Variants in C7 observed in about 807,000 individuals in gnomAD.
C7 encodes the protein complement C7, also known as complement component C7.
Under a neutral mutation model 104.8 loss-of-function variants are expected in C7, and 83 were observed. The ratio of observed to expected loss-of-function variants is 0.79; its 90% CI spans 0.66 to 0.95. The LOEUF is 0.95. Among genes scored for constraint, C7 ranks in the 40% least tolerant of loss-of-function variants. C7 has a pLI of 0.00. For missense variants in C7, 1,070 were observed against 1,011.2 expected (o/e 1.06, Z -0.79); for synonymous variants, 415 against 360.6 (o/e 1.15, Z -1.71).
In C7 at chr5:40,959,870, A is replaced by T. The variant is rs184729601; in HGVS notation, c.1661+250A>T. Among the ~76,000 whole-genome samples the T allele has an allele frequency of 3.9e-5, 6 of 152,302 alleles. No individual in the cohort carries two copies. The East Asian group carries it at 1.2e-3, about 29-fold the overall frequency. On this transcript the variant is annotated intron_variant, in intron 12 of 17. Transcript: ENST00000313164. ...CTGCTGAGTGGATACGATCATTCTC[A>T]TTCGTTTTGGCCACCTACTTGCTGT...
rs1195821176 is a variant in C7 at position 40,964,748 on chromosome 5, G to T, written c.1757G>T (p.Gly586Val). The change falls in exon 14 of 18, where the codon GGT becomes GTT. Residue 586 changes from glycine (G) to valine (V), a missense_variant. Physicochemically the swap from Gly to Val is moderately radical, Grantham distance 109 (BLOSUM62 -3). Coordinates refer to ENST00000313164, the MANE Select transcript of C7 (RefSeq NM_000587.4). ...TCTTTTACTTTTGTTTAGGATGAAG[G>T]TACAATGTTTCCTGTGGGGAAAAAT... ...ALKDGFVQDEGTMFPVGKNVV... is the reference protein window; with the variant it reads ...ALKDGFVQDEVTMFPVGKNVV... 6.2e-7 allele frequency: 1 copy of T among 1,612,754 alleles called. No homozygotes were observed. The highest frequency in any genetic ancestry group is 1.3e-5 in the African/African-American group (1 of 74,892).
chr5:40,931,319 C>T (rs913835903), intron 3 of C7, among the ~76,000 whole-genome samples, 180 bp downstream of exon 3: 1 of 152,062 alleles, frequency 6.6e-6, no homozygotes, highest in African/African-American at 2.4e-5. Context: ...AATAAAGTAA[C>T]TTGTAATATT....
chr5:40,970,764 C>G lies in C7; in HGVS notation c.1883-1639C>G, dbSNP rs564131865. Among the ~76,000 whole-genome samples the G allele has an allele frequency of 1.1e-3, 167 of 152,174 alleles. 2 individuals carry two copies. The highest frequency in any genetic ancestry group is 3.9e-3 in the African/African-American group (161 of 41,502). On this transcript the variant is annotated intron_variant, in intron 14 of 17. Transcript: ENST00000313164. ...CTAATGCTTTCCCTCCCCTTGCCCC[C>G]CATCCCCTGACAGGCCACAGTGTGT... is the stretch of plus-strand genomic sequence containing the variant.
At chr5:40,966,540 G>A (rs1238668132) in intron 14 of C7, among the ~76,000 whole-genome samples, 1 of 151,738 alleles carries the variant, frequency 6.6e-6, no homozygotes, top group African/African-American at 2.4e-5. Context: ...CACCATGACC[G>A]GCTAATTTTT....
At chr5:40,929,984 G>T (rs541079632) in intron 2 of C7, among the ~76,000 whole-genome samples, 4 of 151,996 alleles carry the variant, frequency 2.6e-5, no homozygotes, top group African/African-American at 9.7e-5. Context: ...CCCTTCAAAG[G>T]CCATAAAACC....
At chr5:40,916,187 C>A (rs1294949519) in intron 1 of C7, among the ~76,000 whole-genome samples, 5 of 152,208 alleles carry the variant, frequency 3.3e-5, no homozygotes, top group Middle Eastern at 6.8e-3. Context: ...TATTATATTT[C>A]TTTCTAGATT....
chr5:40,919,249 C>T (rs944731190), intron 1 of C7, among the ~76,000 whole-genome samples: 12 of 151,848 alleles, frequency 7.9e-5, no homozygotes, highest in South Asian at 4.2e-4. Flanking sequence ...TCATCCCTTC[C>T]GAGCAGCTGG....
At chr5:40,967,339 C>T (rs1012643787) in intron 14 of C7, among the ~76,000 whole-genome samples, 3 of 152,182 alleles carry the variant, frequency 2.0e-5, no homozygotes, top group Admixed American at 2.0e-4. Context: ...GTTGAGATTA[C>T]AGGCATGAGC....
chr5:40,928,434 C>A, intron 1 of C7, 146 bp from the exon 2 acceptor site: 1 of 574,564 alleles, frequency 1.7e-6, no homozygotes. Flanking sequence ...GATATGTTAA[C>A]TGGCTTGATG....
At chr5:40,959,395 A>T in intron 11 of C7, 54 bp from the exon 12 acceptor site, 5 of 1,516,042 alleles carry the variant, frequency 3.3e-6, no homozygotes, top group Non-Finnish European at 4.5e-6. Flanking sequence ...CATAGCACTA[A>T]GTTCCCAAGC....
chr5:40,937,255 C>T, intron 5 of C7: 1 of 191,916 alleles, frequency 5.2e-6, no homozygotes, highest in Non-Finnish European at 1.1e-5. Flanking sequence ...TCAAAACCAG[C>T]TGTTGCCATA....
intron 1 of C7, among the ~76,000 whole-genome samples, chr5:40,927,351 C>T (rs1739575554): frequency 6.6e-6 from 1 of 151,938 alleles, no homozygotes. Context: ...TTTTTTGGAT[C>T]TGACTCCAAA....
Position 40,928,470 on chromosome 5 carries a change from A to G in C7, c.7-110A>G, listed in dbSNP as rs551626632. ...AAATTATTTCACATTGTATTGAGAA[A>G]TAATAACATCACTTTGTACCCCATA... On this transcript the variant is annotated intron_variant, in intron 1 of 17. Coordinates refer to ENST00000313164, the MANE Select transcript of C7 (RefSeq NM_000587.4). The G allele has an allele frequency of 9.4e-5, 60 of 640,674 alleles. 1 individual carries two copies. The South Asian group carries it at 1.0e-3, about 11-fold the overall frequency. The allele number at this position is 640,674 out of a possible 1,614,324, so 39.7% of individuals were successfully genotyped here. A position where few individuals can be genotyped will look rare whatever the true frequency, so the allele number is the denominator to read the frequency against.
chr5:40,941,289 C>G (rs1739930781), intron 6 of C7, among the ~76,000 whole-genome samples: 1 of 151,990 alleles, frequency 6.6e-6, no homozygotes, highest in Non-Finnish European at 1.5e-5. Context: ...GTCTCGAACT[C>G]CTGTCCTCAA....
chr5:40,934,335 G>A lies in C7; in HGVS notation c.149G>A (p.Arg50Gln), dbSNP rs369128445. 1.5e-4 allele frequency: 233 copies of A among 1,591,864 alleles called. No homozygotes were observed. The highest frequency in any genetic ancestry group is 1.8e-4 in the Non-Finnish European group (208 of 1,168,226). The change falls in exon 4 of 18, where the codon CGG becomes CAG. Residue 50 changes from arginine to glutamine, a missense_variant. Transcript: ENST00000313164. ...CTGCTTTGTGTTTAGACTCGCAGGCGGTCAGTTGCTGTGTATGGGCAGTAT... is the reference window on the plus strand; with the variant it reads ...CTGCTTTGTGTTTAGACTCGCAGGCAGTCAGTTGCTGTGTATGGGCAGTAT... ...NGCTKTQTRR[R>Q]SVAVYGQYGG...
rs115548220 is a variant in C7, at chr5:40,952,763, C to T, written c.1094-2624C>T. ...TGCGGTGTTTGGTTTTTTGTCCTTG[C>T]GAACTGGATTAAGAAAATGTGGCAC... On this transcript the variant is annotated intron_variant, in intron 9 of 17. Transcript: ENST00000313164. Among the ~76,000 whole-genome samples, 1,426 of 151,794 alleles carry T rather than the reference C, an allele frequency of 9.4e-3. 20 individuals carry two copies. The highest frequency in any genetic ancestry group is 0.033 in the African/African-American group (1,371 of 41,346).
rs551999972 is a variant in C7 at position 40,983,615 on chromosome 5, G to A, written c.*2042G>A. Among the ~76,000 whole-genome samples, 1 of 152,244 alleles carries A rather than the reference G, an allele frequency of 6.6e-6. No individual in the cohort carries two copies. The highest frequency in any genetic ancestry group is 1.5e-5 in the Non-Finnish European group (1 of 68,030). On this transcript the variant is annotated 3_prime_UTR_variant, in exon 18 of 18. Transcript: ENST00000313164. ...TGCTGACCTTTCCTCTAGTCCAACA[G>A]AGGCATTCACAATTGCCTGTGGAGA...
intron 1 of C7, among the ~76,000 whole-genome samples, chr5:40,919,242 T>C (rs890440088): frequency 6.6e-5 from 10 of 151,176 alleles, no homozygotes; most frequent in African/African-American, 2.4e-4. Context: ...TCCCACCTCA[T>C]CCCTTCCGAG....
At chr5:40,953,231 G>T (rs777139093) in intron 9 of C7, among the ~76,000 whole-genome samples, 1 of 151,986 alleles carries the variant, frequency 6.6e-6, no homozygotes, top group Non-Finnish European at 1.5e-5. Context: ...TCATATGTGA[G>T]GGTTAAAAAA....
Sources: allele counts gnomAD v4.1 joint callset (sites outside exome capture counted in the v4.1 genomes callset), GRCh38; gene constraint gnomAD v4.1.1; transcripts MANE v1.5; gene names NCBI Gene and HGNC (gene_info 2026-07-23, HGNC 2026-07-21).